The following PAMR1 variants were observed in gnomAD, a reference collection of about 807,000 sequenced individuals.
PAMR1 encodes the protein peptidase domain containing associated with muscle regeneration 1, also known as inactive serine protease PAMR1.
Under a neutral mutation model 81.8 loss-of-function variants are expected in PAMR1, and 88 were observed. The observed-to-expected ratio is 1.08, with a 90% confidence interval of 0.91 to 1.28. PAMR1 has a LOEUF of 1.28. PAMR1 is among the 50% of genes most tolerant of loss of function. The pLI, the probability that PAMR1 is intolerant of heterozygous loss-of-function variation, is 0.00. For synonymous variants in PAMR1, 336 were observed against 345.3 expected (o/e 0.97, Z 0.30); for missense variants, 935 against 919.7 (o/e 1.02, Z -0.21).
chr11:35,512,020 C>T (rs570755579), intron 1 of PAMR1, among the ~76,000 whole-genome samples: 1 of 152,332 alleles, frequency 6.6e-6, no homozygotes, highest in African/African-American at 2.4e-5. Flanking sequence ...CAGTCTTCTC[C>T]TTCCTTCTCA....
At position 35,432,504 on chromosome 11, in the gene PAMR1, G is replaced by GACA. The variant is rs1855928229; in HGVS notation, c.2012_2014dup (p.Val671_Ser672insLeu). The GACA allele has an allele frequency of 2.5e-6, 4 of 1,614,128 alleles. No individual in the cohort carries two copies. Among genetic ancestry groups the GACA allele is most frequent in the African/African-American group, 1.3e-5 (1 of 74,952 alleles). ...CTCAGGAGATGCTCGTCCCGGGAAG[G>GACA]ACACAGCCGCGATGCCTCCTGTCTC... On this transcript the variant is annotated inframe_insertion, in exon 11 of 11. Transcript: ENST00000619888.
intron 4 of PAMR1, among the ~76,000 whole-genome samples, chr11:35,473,029 A>C (rs1348534899): frequency 6.6e-6 from 1 of 152,142 alleles, no homozygotes; most frequent in African/African-American, 2.4e-5. Flanking sequence ...GCATGACAGA[A>C]TCTCAGTGGG....
intron 6 of PAMR1, among the ~76,000 whole-genome samples, chr11:35,464,968 G>T (rs1856730820): frequency 6.6e-6 from 1 of 152,218 alleles, no homozygotes. Flanking sequence ...GGGATGGGAA[G>T]TCCTTTAAGA....
intron 8 of PAMR1, 58 bp from the exon 9 acceptor site, chr11:35,436,193 C>T (rs765674640): frequency 4.5e-6 from 5 of 1,101,556 alleles, no homozygotes; most frequent in Non-Finnish European, 5.6e-6. Flanking sequence ...TCACTGTGGC[C>T]TCTTTAGCAT....
chr11:35,463,636 C>T (rs567297184), intron 6 of PAMR1, among the ~76,000 whole-genome samples: 25 of 152,274 alleles, frequency 1.6e-4, no homozygotes, highest in Non-Finnish European at 2.2e-4. Flanking sequence ...AGGTTGCTGA[C>T]GGTGTTGGCA....
chr11:35,523,531 T>C (rs1271718193), intron 1 of PAMR1, among the ~76,000 whole-genome samples: 1 of 152,230 alleles, frequency 6.6e-6, no homozygotes, highest in Non-Finnish European at 1.5e-5. Flanking sequence ...CCAACATGTG[T>C]CACATGCCAG....
chr11:35,514,082 G>GC (rs78533036), intron 1 of PAMR1, among the ~76,000 whole-genome samples: 10,644 of 152,182 alleles, frequency 0.07, 460 homozygotes, highest in South Asian at 0.12. Context: ...CATGGAATCT[G>GC]CCCCTCCTTT....
At chr11:35,503,013 A>G (rs629236) in intron 1 of PAMR1, among the ~76,000 whole-genome samples, 47,559 of 152,034 alleles carry the variant, frequency 0.31, 7,519 homozygotes, top group African/African-American at 0.37. Flanking sequence ...ATTTGATTTT[A>G]TGTATAAGAA....
chr11:35,442,605 C>CT (rs1384743085), intron 6 of PAMR1, among the ~76,000 whole-genome samples: 1 of 150,752 alleles, frequency 6.6e-6, no homozygotes, highest in Non-Finnish European at 1.5e-5. Flanking sequence ...TTTTCTTTTT[C>CT]TTTTTTTATT....
rs35216474 is a variant in PAMR1 at position 35,434,605 on chromosome 11, C to T, written c.1533G>A (p.Lys511=). ...GGTCTGCTGTCTTGATCATGGTGACCTTCCCCAGGTCAGTAACACAGTGGG... is the reference window on the plus strand; with the variant it reads ...GGTCTGCTGTCTTGATCATGGTGACTTTCCCCAGGTCAGTAACACAGTGGG... ...VAAHCVTDLG[K]VTMIKTADLK... The change falls in exon 10 of 11, where the codon AAG becomes AAA. Residue 511 remains lysine (K), a synonymous_variant. Transcript: ENST00000619888. 0.14 allele frequency: 233,896 copies of T among 1,613,822 alleles called. 19,708 individuals carry two copies. The highest frequency in any genetic ancestry group is 0.32 in the African/African-American group (24,330 of 74,876).
In PAMR1 at chr11:35,483,117, G is replaced by C. The variant is rs541115350; in HGVS notation, c.380-8373C>G. On this transcript the variant is annotated intron_variant, in intron 3 of 10. Coordinates refer to ENST00000619888, the MANE Select transcript of PAMR1 (RefSeq NM_001001991.3). The stretch of plus-strand genomic sequence containing the variant: ...CAAACGCCCTCTCCTCTATTAGGCT[G>C]GTGGGAGAACTGATCAGGGATGAAT... 4.6e-3 allele frequency among the ~76,000 whole-genome samples: 700 copies of C among 152,284 alleles called. 2 individuals are homozygous for C. The highest frequency in any genetic ancestry group is 0.016 in the African/African-American group (662 of 41,544).
At chr11:35,474,436 C>T (rs751245349) in intron 4 of PAMR1, among the ~76,000 whole-genome samples, 194 bp downstream of exon 4, 2 of 152,168 alleles carry the variant, frequency 1.3e-5, no homozygotes, top group Non-Finnish European at 2.9e-5. Flanking sequence ...CTGAGCCCCA[C>T]GGTTCTAAAG....
At chr11:35,450,947 A>C (rs990740857) in intron 6 of PAMR1, among the ~76,000 whole-genome samples, 1 of 152,248 alleles carries the variant, frequency 6.6e-6, no homozygotes, top group Non-Finnish European at 1.5e-5. Context: ...AATTAAGTGG[A>C]GCTCCCCATC....
At chr11:35,477,504 G>A (rs1427136782) in intron 3 of PAMR1, among the ~76,000 whole-genome samples, 8 of 152,206 alleles carry the variant, frequency 5.3e-5, no homozygotes, top group Non-Finnish European at 1.2e-4. Context: ...GAATCTGACT[G>A]CCCTTGGTTT....
At chr11:35,469,225 C>T (rs770966742) in intron 5 of PAMR1, among the ~76,000 whole-genome samples, 4 of 152,164 alleles carry the variant, frequency 2.6e-5, no homozygotes, top group Non-Finnish European at 4.4e-5. Flanking sequence ...ATCTTGAAGG[C>T]AAGTGAACAA....
chr11:35,492,961 T>C lies in PAMR1; in HGVS notation c.251-788A>G, dbSNP rs376321331. ...GTGCAGCTGTGTGTCCTTGGGCAAATTGTTTAAGCTTTCAGTGACTCAGTG... is the reference window on the plus strand; with the variant it reads ...GTGCAGCTGTGTGTCCTTGGGCAAACTGTTTAAGCTTTCAGTGACTCAGTG... On this transcript the variant is annotated intron_variant, in intron 2 of 10. Coordinates refer to ENST00000619888, the MANE Select transcript of PAMR1 (RefSeq NM_001001991.3). 2.7e-4 allele frequency among the ~76,000 whole-genome samples: 41 copies of C among 152,324 alleles called. 1 individual carries two copies. The East Asian group carries it at 7.1e-3, about 27-fold the overall frequency.
intron 6 of PAMR1, among the ~76,000 whole-genome samples, chr11:35,448,154 G>A (rs1207867565): frequency 6.6e-6 from 1 of 152,036 alleles, no homozygotes; most frequent in African/African-American, 2.4e-5. Flanking sequence ...ATCTTGCTGG[G>A]GTTCTCTGGA....
intron 1 of PAMR1, among the ~76,000 whole-genome samples, chr11:35,521,255 T>C (rs1421284136): frequency 6.6e-6 from 1 of 152,184 alleles, no homozygotes; most frequent in Non-Finnish European, 1.5e-5. Flanking sequence ...TAGACACTGA[T>C]AAAAGTCTGA....
At position 35,466,417 on chromosome 11, in the gene PAMR1, T is replaced by C. The variant is rs867790505; in HGVS notation, c.820+1584A>G. On this transcript the variant is annotated intron_variant, in intron 6 of 10. Transcript: ENST00000619888. The stretch of plus-strand genomic sequence containing the variant: ...ATTGAAACCATGGTTTCCATCTGCA[T>C]TGTTTGCAAGAAAACATTAGTGAAA... Among the ~76,000 whole-genome samples the C allele has an allele frequency of 2.6e-5, 4 of 152,136 alleles. No individual in the cohort carries two copies. In the South Asian group the frequency reaches 6.2e-4, roughly 24 times the overall value.
Sources: allele counts gnomAD v4.1 joint callset (sites outside exome capture counted in the v4.1 genomes callset), GRCh38; gene constraint gnomAD v4.1.1; transcripts MANE v1.5; gene names NCBI Gene and HGNC (gene_info 2026-07-23, HGNC 2026-07-21).